The following CMIP variants were observed in gnomAD, a reference collection of about 807,000 sequenced individuals.
CMIP encodes the protein C-Maf-inducing protein.
In CMIP, 13 loss-of-function variants were observed where a neutral mutation model predicts 97.3. The observed-to-expected ratio is 0.13, with a 90% CI of 0.09 to 0.21. The LOEUF (loss-of-function observed/expected upper bound fraction) is 0.21. Among genes scored for constraint, CMIP ranks in the 10% least tolerant of loss-of-function variants. CMIP has a pLI of 1.00. For synonymous variants in CMIP, 538 were observed against 436.3 expected (o/e 1.23, Z -2.91); for missense variants, 847 against 1,024.9 (o/e 0.83, Z 2.37).
chr16:81,699,785 A>C lies in CMIP; in HGVS notation c.1739A>C (p.Asn580Thr). The C allele has an allele frequency of 6.2e-7, 1 of 1,611,712 alleles. No individual in the cohort carries two copies. Among genetic ancestry groups the C allele is most frequent in the Non-Finnish European group, 8.5e-7 (1 of 1,178,274 alleles). ...TGCATGCTCCTGGCACTGAGGGGGA[A>C]CCAGACCATGGTGGAGGTAAGGAGC... The part of the protein sequence containing the change: ...GPCMLLALRG[N>T]QTMVEILCLM... The change falls in exon 15 of 21, where the codon AAC becomes ACC. Residue 580 changes from asparagine (N) to threonine (T), a missense_variant. This residue lies in a region of CMIP where 266 missense variants were observed against 384.2 expected (regional missense o/e 0.69). Transcript: ENST00000537098.
chr16:81,603,229 G>C (rs1232558654), intron 1 of CMIP, among the ~76,000 whole-genome samples: 1 of 152,050 alleles, frequency 6.6e-6, no homozygotes, highest in Non-Finnish European at 1.5e-5. Flanking sequence ...ACAGGCACCC[G>C]CCACCACGCC....
chr16:81,504,734 G>T (rs1597484105), intron 1 of CMIP, among the ~76,000 whole-genome samples: 1 of 152,030 alleles, frequency 6.6e-6, no homozygotes, highest in East Asian at 1.9e-4. Flanking sequence ...CACGGTCTGT[G>T]CCATTCCACG....
intron 8 of CMIP, 119 bp from the exon 9 acceptor site, chr16:81,671,847 A>G (rs1407997427): frequency 8.7e-6 from 5 of 573,270 alleles, no homozygotes; most frequent in Non-Finnish European, 1.6e-5. Flanking sequence ...GAGCCCCCCA[A>G]GTGGCGCTGG....
chr16:81,593,812 C>T (rs1297379077), intron 1 of CMIP, among the ~76,000 whole-genome samples: 1 of 152,164 alleles, frequency 6.6e-6, no homozygotes, highest in Admixed American at 6.5e-5. Context: ...GAGGGGGCAG[C>T]ATAATCATAG....
intron 11 of CMIP, 26 bp downstream of exon 11, chr16:81,691,866 C>A (rs762312476): frequency 1.3e-6 from 2 of 1,597,588 alleles, no homozygotes; most frequent in African/African-American, 1.3e-5. Context: ...ATCCCCGGAG[C>A]CCTCCCACCT....
rs780106004 is a variant in CMIP, at chr16:81,616,025, G to T, written c.427-4851G>T. Among the ~76,000 whole-genome samples, 2 of 152,214 alleles carry T rather than the reference G, an allele frequency of 1.3e-5. No homozygotes were observed. The highest frequency in any genetic ancestry group is 2.9e-5 in the Non-Finnish European group (2 of 68,006). On this transcript the variant is annotated intron_variant, in intron 2 of 20. Transcript: ENST00000537098. This position sits in a 1 kb window ranked among gnomAD's most constrained non-coding sequence, Gnocchi z 4.7. ...CGCACTGGGGCAGAAGGAGCCGGGC[G>T]CGGTGGGTGGGAGATCTTGGCTGTC... is the stretch of plus-strand genomic sequence containing the variant.
intron 1 of CMIP, among the ~76,000 whole-genome samples, chr16:81,598,011 G>GTCCC (rs1161398492): frequency 6.6e-6 from 1 of 152,016 alleles, no homozygotes. Flanking sequence ...ATCCAGGGAG[G>GTCCC]GGACTGGAGG....
intron 3 of CMIP, among the ~76,000 whole-genome samples, chr16:81,642,864 C>T (rs148358378): frequency 0.027 from 4,091 of 152,140 alleles, 76 homozygotes; most frequent in Non-Finnish European, 0.041. Context: ...CCACTGCACT[C>T]CAGCCTGGGT....
chr16:81,449,664 A>G (rs867466812), intron 1 of CMIP, among the ~76,000 whole-genome samples: 9 of 112,666 alleles, frequency 8.0e-5, no homozygotes, highest in Admixed American at 1.7e-4. Context: ...GTAAACACAC[A>G]GATTTCCCCC....
chr16:81,660,010 G>A (rs1331762832), intron 5 of CMIP, among the ~76,000 whole-genome samples: 4 of 149,524 alleles, frequency 2.7e-5, no homozygotes, highest in African/African-American at 4.9e-5. Flanking sequence ...TTTTTTATGC[G>A]CTAATTTTTC....
rs777262998 is a variant in CMIP at position 81,445,310 on chromosome 16, G to T, written c.69G>T (p.Leu23=). Residue 23 remains leucine (L), a synonymous_variant, in exon 1 of 21, where the codon CTG becomes CTT. Coordinates refer to ENST00000537098, the MANE Select transcript of CMIP (RefSeq NM_198390.3). ...AGATCGAGGAGACCAAGCCGCTGCTGGGGGGCGACGTGTCGGCCCCCGAAG... is the reference window on the plus strand; with the variant it reads ...AGATCGAGGAGACCAAGCCGCTGCTTGGGGGCGACGTGTCGGCCCCCGAAG... ...PRQIEETKPL[L]GGDVSAPEGT... is the part of the protein sequence containing the mutation. The T allele has an allele frequency of 1.2e-5, 19 of 1,571,524 alleles. No individual in the cohort carries two copies. The highest frequency in any genetic ancestry group is 1.7e-4 in the Middle Eastern group (1 of 5,914).
chr16:81,643,907 G>A (rs2092334464), intron 3 of CMIP, among the ~76,000 whole-genome samples: 1 of 152,170 alleles, frequency 6.6e-6, no homozygotes, highest in South Asian at 2.1e-4. Flanking sequence ...TGGTGCCTCA[G>A]ACAGCCTAGT....
At chr16:81,677,832 T>C (rs1904427804) in intron 9 of CMIP, among the ~76,000 whole-genome samples, 1 of 152,128 alleles carries the variant, frequency 6.6e-6, no homozygotes, top group Non-Finnish European at 1.5e-5. Flanking sequence ...CATTGTGGCA[T>C]GAGGTCAGGG....
At chr16:81,469,244 G>A (rs1366770522) in intron 1 of CMIP, among the ~76,000 whole-genome samples, 1 of 152,226 alleles carries the variant, frequency 6.6e-6, no homozygotes, top group East Asian at 1.9e-4. Context: ...GAATTGTCAC[G>A]TATAGGAAAA....
At chr16:81,654,779 C>G (rs966379350) in intron 4 of CMIP, among the ~76,000 whole-genome samples, 1 of 152,188 alleles carries the variant, frequency 6.6e-6, no homozygotes, top group Non-Finnish European at 1.5e-5. Flanking sequence ...GGGCCAGGAC[C>G]CTCGCCCGGG....
chr16:81,520,682 T>C (rs970540161), intron 1 of CMIP: 2 of 152,000 alleles, frequency 1.3e-5, no homozygotes, highest in Admixed American at 1.3e-4. Flanking sequence ...GAACTTGGCA[T>C]TGGATATAAT....
At chr16:81,483,456 C>T (rs1047351836) in intron 1 of CMIP, among the ~76,000 whole-genome samples, 31 of 152,058 alleles carry the variant, frequency 2.0e-4, no homozygotes, top group African/African-American at 7.5e-4. Context: ...GAACTTTGGC[C>T]GTTAACTCTG....
Position 81,621,331 on chromosome 16 carries a change from C to T in CMIP, c.477+405C>T, listed in dbSNP as rs1271903627. 4.1e-5 allele frequency: 7 copies of T among 171,556 alleles called. No individual in the cohort carries two copies. The highest frequency in any genetic ancestry group is 1.7e-4 in the African/African-American group (7 of 42,174). 10.6% of individuals were successfully genotyped at this position (171,556 alleles called of 1,614,324 possible). Reference sequence around the variant, plus strand: ...CTTAACAGAGATTCAAAATCCTGAGCCCTATTTCTGTAGTCTTCACTGATT... The same window carrying T: ...CTTAACAGAGATTCAAAATCCTGAGTCCTATTTCTGTAGTCTTCACTGATT... On this transcript the variant is annotated intron_variant, in intron 3 of 20. Coordinates refer to ENST00000537098, the MANE Select transcript of CMIP (RefSeq NM_198390.3). This position sits in a 1 kb window ranked among gnomAD's most constrained non-coding sequence, Gnocchi z 4.1.
chr16:81,622,682 A>C (rs1204594317), intron 3 of CMIP, among the ~76,000 whole-genome samples: 1 of 152,212 alleles, frequency 6.6e-6, no homozygotes, highest in African/African-American at 2.4e-5. Context: ...GGCCAAGATG[A>C]GTATCAATGA....
Sources: allele counts gnomAD v4.1 joint callset (sites outside exome capture counted in the v4.1 genomes callset), GRCh38; gene constraint gnomAD v4.1.1; regional missense constraint gnomAD v4.1.1; non-coding constraint Gnocchi (gnomAD v3.1); transcripts MANE v1.5; gene names NCBI Gene and HGNC (gene_info 2026-07-23, HGNC 2026-07-21).